The following RNF13 variants were observed in gnomAD, a reference collection of about 807,000 sequenced individuals.
The protein encoded by RNF13 is ring finger protein 13.
Under a neutral mutation model 37.7 loss-of-function variants are expected in RNF13, and 19 were observed. That is an observed-to-expected ratio of 0.50 (90% CI 0.35 to 0.74). The LOEUF (loss-of-function observed/expected upper bound fraction) is 0.74. Among genes scored for constraint, RNF13 ranks in the 30% least tolerant of loss-of-function variants. RNF13 has a pLI of 0.01. For missense variants in RNF13, 375 were observed against 453.0 expected, an observed-to-expected ratio of 0.83 and a Z score of 1.56; for synonymous variants, 144 against 157.8, an observed-to-expected ratio of 0.91 and a Z score of 0.65.
intron 1 of RNF13, among the ~76,000 whole-genome samples, chr3:149,815,539 A>G (rs1719352917): frequency 6.6e-6 from 1 of 152,250 alleles, no homozygotes; most frequent in African/African-American, 2.4e-5. Context: ...AAAGGGGAAG[A>G]AAGTTGGTAA....
chr3:149,878,919 T>C (rs1406066435), intron 4 of RNF13, among the ~76,000 whole-genome samples: 1 of 152,220 alleles, frequency 6.6e-6, no homozygotes, highest in Non-Finnish European at 1.5e-5. Context: ...CAGAGAACTT[T>C]TCCATTTTGC....
intron 7 of RNF13, among the ~76,000 whole-genome samples, chr3:149,916,481 C>T (rs756252753): frequency 6.6e-6 from 1 of 152,178 alleles, no homozygotes; most frequent in Non-Finnish European, 1.5e-5. Context: ...GCAGATTCAT[C>T]AGTAAACAAA....
chr3:149,912,186 C>T, intron 7 of RNF13, 103 bp downstream of exon 7: 2 of 553,844 alleles, frequency 3.6e-6, no homozygotes, highest in East Asian at 3.0e-5. Flanking sequence ...TAAAAGAGTA[C>T]ATATTATATA....
intron 6 of RNF13, 101 bp from the exon 7 acceptor site, chr3:149,911,877 G>A (rs1023033971): frequency 7.2e-6 from 5 of 694,244 alleles, no homozygotes; most frequent in East Asian, 2.7e-5. Flanking sequence ...TAATTGTAAT[G>A]TCTATATGTC....
chr3:149,891,566 A>AT (rs1714699706), intron 4 of RNF13, among the ~76,000 whole-genome samples: 1 of 152,196 alleles, frequency 6.6e-6, no homozygotes, highest in African/African-American at 2.4e-5. Context: ...GGTCTATGTA[A>AT]TTTAGTTGCA....
At chr3:149,866,976 A>G (rs1255616860) in intron 3 of RNF13, among the ~76,000 whole-genome samples, 1 of 152,136 alleles carries the variant, frequency 6.6e-6, no homozygotes, top group Non-Finnish European at 1.5e-5. Flanking sequence ...CCATGTGCTG[A>G]TAAAAATAAT....
intron 2 of RNF13, among the ~76,000 whole-genome samples, chr3:149,847,060 G>A (rs574159277): frequency 4.6e-5 from 7 of 152,228 alleles, no homozygotes; most frequent in African/African-American, 1.4e-4. Context: ...GTGAGCTTTC[G>A]ACTTTATGAT....
At chr3:149,871,914 A>G (rs1005645084) in intron 3 of RNF13, 115 bp from the exon 4 acceptor site, 43 of 723,948 alleles carry the variant, frequency 5.9e-5, no homozygotes, top group African/African-American at 1.3e-4. Context: ...TACATGCCCA[A>G]TGATACATCT....
intron 6 of RNF13, among the ~76,000 whole-genome samples, chr3:149,902,953 T>C (rs550091387): frequency 6.6e-6 from 1 of 152,284 alleles, no homozygotes; most frequent in East Asian, 1.9e-4. Flanking sequence ...CTAGTGGTTG[T>C]TATTATTATC....
chr3:149,882,167 G>A (rs1181109273), intron 4 of RNF13, among the ~76,000 whole-genome samples: 2 of 151,638 alleles, frequency 1.3e-5, no homozygotes, highest in Admixed American at 6.6e-5. Flanking sequence ...TGATGATCTC[G>A]AGTAACTGGA....
chr3:149,824,693 A>G (rs991639067), intron 1 of RNF13, among the ~76,000 whole-genome samples: 1 of 152,028 alleles, frequency 6.6e-6, no homozygotes, highest in African/African-American at 2.4e-5. Flanking sequence ...TATACACACA[A>G]ATATAGTTAG....
At chr3:149,843,539 A>C (rs1000291870) in intron 1 of RNF13, among the ~76,000 whole-genome samples, 1 of 152,204 alleles carries the variant, frequency 6.6e-6, no homozygotes, top group African/African-American at 2.4e-5. Flanking sequence ...CCCTCAAAAC[A>C]TGCTACATGT....
Position 149,912,175 on chromosome 3 carries a change from A to G in RNF13, c.606+92A>G, listed in dbSNP as rs1185127848. 3 of 644,058 alleles carry G rather than the reference A, an allele frequency of 4.7e-6. No homozygotes were observed. In the Admixed American group the frequency reaches 7.5e-5, roughly 16 times the overall value. The allele number at this position is 644,058 out of a possible 1,614,324, so 39.9% of individuals were successfully genotyped here. ...GTGAGAGAATTTAAACAATGTGTAC[A>G]TAAAAGAGTACATATTATATAAATT... On this transcript the variant is annotated intron_variant, in intron 7 of 9. Transcript: ENST00000392894.
At chr3:149,869,008 T>G (rs757198035) in intron 3 of RNF13, among the ~76,000 whole-genome samples, 1 of 151,814 alleles carries the variant, frequency 6.6e-6, no homozygotes, top group African/African-American at 2.4e-5. Context: ...ATTTTCTTTA[T>G]CTTGTAGGAG....
At chr3:149,881,514 A>G (rs1713396979) in intron 4 of RNF13, among the ~76,000 whole-genome samples, 1 of 152,082 alleles carries the variant, frequency 6.6e-6, no homozygotes, top group South Asian at 2.1e-4. Flanking sequence ...TATTTTTAGT[A>G]GAGATGGGGT....
chr3:149,817,372 T>C (rs1286626924), intron 1 of RNF13: 1 of 152,174 alleles, frequency 6.6e-6, no homozygotes, highest in Non-Finnish European at 1.5e-5. Context: ...CTCCCATTTA[T>C]TCAAAAAATA....
intron 1 of RNF13, among the ~76,000 whole-genome samples, chr3:149,830,457 G>T (rs548292330): frequency 8.6e-5 from 2 of 23,370 alleles, no homozygotes; most frequent in African/African-American, 4.1e-4. Flanking sequence ...CCCTGCCCTA[G>T]AGATTTGTGG....
intron 4 of RNF13, 128 bp from the exon 5 acceptor site, chr3:149,895,345 G>A (rs1715130655): frequency 1.7e-6 from 1 of 575,818 alleles, no homozygotes; most frequent in African/African-American, 1.9e-5. Flanking sequence ...AATGCTTTGA[G>A]TCCTTTTAAT....
At chr3:149,847,991 A>G (rs1344419577) in intron 2 of RNF13, among the ~76,000 whole-genome samples, 3 of 152,232 alleles carry the variant, frequency 2.0e-5, no homozygotes, top group African/African-American at 2.4e-5. Flanking sequence ...CTCAGCTGCT[A>G]TAAGTGCCAC....
Sources: gnomAD v4.1 joint callset for allele counts (sites outside exome capture counted in the v4.1 genomes callset) on GRCh38, gnomAD v4.1.1 for gene constraint, MANE v1.5 for transcripts, NCBI Gene and HGNC (gene_info 2026-07-23, HGNC 2026-07-21) for gene names.